CDH18: variants seen among roughly 807,000 people sequenced by gnomAD.
CDH18 encodes cadherin 18, also known as cadherin-18.
CDH18 carries 31 observed loss-of-function variants against 67.9 expected under a neutral mutation model. That is an observed-to-expected ratio of 0.46 (90% CI 0.34 to 0.62). The LOEUF (loss-of-function observed/expected upper bound fraction) is 0.62. Ranked by LOEUF, CDH18 falls within the 20% of genes least tolerant of loss-of-function variation. CDH18 has a pLI of 0.01. For missense variants in CDH18, 890 were observed against 975.5 expected (o/e 0.91, Z 1.17); for synonymous variants, 362 against 347.2 (o/e 1.04, Z -0.48).
chr5:19,860,176 T>C (rs1382133892), intron 2 of CDH18, among the ~76,000 whole-genome samples: 1 of 152,178 alleles, frequency 6.6e-6, no homozygotes, highest in Non-Finnish European at 1.5e-5. Flanking sequence ...TTTCCTGGAA[T>C]TGAGAACCCT....
chr5:19,681,416 T>G (rs901471178), intron 5 of CDH18, among the ~76,000 whole-genome samples: 3 of 152,010 alleles, frequency 2.0e-5, no homozygotes, highest in African/African-American at 7.2e-5. Flanking sequence ...AAAGTCCTTT[T>G]AGTTGAATAG....
intron 1 of CDH18, among the ~76,000 whole-genome samples, chr5:20,369,642 G>C (rs1217186899): frequency 6.6e-6 from 1 of 152,158 alleles, no homozygotes; most frequent in African/African-American, 2.4e-5. Flanking sequence ...TTAAGGAAAT[G>C]CTTGTTTCTG....
At chr5:20,407,377 T>C (rs1746365062) in intron 1 of CDH18, among the ~76,000 whole-genome samples, 1 of 151,638 alleles carries the variant, frequency 6.6e-6, no homozygotes, top group Non-Finnish European at 1.5e-5. Flanking sequence ...AGCACAAAGG[T>C]TTTAGAGAAC....
chr5:20,289,930 TTTGTTG>T lies in CDH18; in HGVS notation c.-579-34431_-579-34426del, dbSNP rs578073533. Among the ~76,000 whole-genome samples the T allele has an allele frequency of 1.8e-3, 272 of 152,184 alleles. 1 individual carries two copies. The highest frequency in any genetic ancestry group is 6.1e-3 in the African/African-American group (252 of 41,536). On this transcript the variant is annotated intron_variant, in intron 1 of 14. Coordinates refer to the CDH18 transcript ENST00000507958. ...TGTTTTCATAACCTAATCGCTTAGTTTTGTTGTTAATATCACTACTTTGCCCACAAA... is the reference window on the plus strand; with the variant it reads ...TGTTTTCATAACCTAATCGCTTAGTTTTAATATCACTACTTTGCCCACAAA...
At chr5:19,619,395 A>T (rs963060542) in intron 5 of CDH18, among the ~76,000 whole-genome samples, 1 of 152,210 alleles carries the variant, frequency 6.6e-6, no homozygotes, top group Admixed American at 6.5e-5. Flanking sequence ...GACCATAGTG[A>T]TCACAATGGA....
At chr5:20,529,747 TAA>T (rs1756285618) in intron 1 of CDH18, among the ~76,000 whole-genome samples, 1 of 151,908 alleles carries the variant, frequency 6.6e-6, no homozygotes, top group African/African-American at 2.4e-5. Flanking sequence ...TGCAAAATAA[TAA>T]GAGTCATATA....
intron 3 of CDH18, among the ~76,000 whole-genome samples, chr5:19,830,095 T>C (rs80065007): frequency 0.029 from 4,399 of 152,198 alleles, 97 homozygotes; most frequent in Middle Eastern, 0.048. Flanking sequence ...CCCTGGAAGA[T>C]GACCTAAGAA....
chr5:19,845,047 T>G (rs1277811729), intron 2 of CDH18, among the ~76,000 whole-genome samples: 1 of 152,178 alleles, frequency 6.6e-6, no homozygotes, highest in Non-Finnish European at 1.5e-5. Context: ...ATGCACAGTG[T>G]TAAATATTAC....
At chr5:20,125,387 T>C (rs1431373600) in intron 2 of CDH18, among the ~76,000 whole-genome samples, 1 of 152,070 alleles carries the variant, frequency 6.6e-6, no homozygotes, top group Non-Finnish European at 1.5e-5. Flanking sequence ...TTTGGTATTT[T>C]GTATATTATG....
chr5:20,470,914 C>T (rs566528097), intron 1 of CDH18, among the ~76,000 whole-genome samples: 1 of 152,322 alleles, frequency 6.6e-6, no homozygotes, highest in Admixed American at 6.5e-5. Flanking sequence ...ACAAATTTCT[C>T]CTCTCTACGA....
rs544368629 is a variant in CDH18 at position 20,080,687 on chromosome 5, C to T, written c.-517-88673G>A. Among the ~76,000 whole-genome samples the T allele has an allele frequency of 8.0e-5, 12 of 150,330 alleles. No individual in the cohort carries two copies. The South Asian group carries it at 8.5e-4, about 11-fold the overall frequency. ...AGTAGTAAAACAAACTATAATTGTC[C>T]ATTTTATAGAAAGAAAAAAGAAAAA... On this transcript the variant is annotated intron_variant, in intron 2 of 14. Transcript: ENST00000507958.
intron 2 of CDH18, among the ~76,000 whole-genome samples, chr5:20,024,391 T>C (rs1436628352): frequency 6.6e-6 from 1 of 152,170 alleles, no homozygotes; most frequent in Non-Finnish European, 1.5e-5. Context: ...TAAAATGTTG[T>C]ATAAAATCTC....
intron 5 of CDH18, among the ~76,000 whole-genome samples, chr5:19,703,563 T>C: frequency 6.6e-6 from 1 of 152,066 alleles, no homozygotes; most frequent in Non-Finnish European, 1.5e-5. Context: ...GATCTTTCTT[T>C]TGTGGAGGAC....
At chr5:20,188,132 C>T (rs1488927361) in intron 2 of CDH18, among the ~76,000 whole-genome samples, 1 of 151,830 alleles carries the variant, frequency 6.6e-6, no homozygotes, top group African/African-American at 2.4e-5. Flanking sequence ...TATGCCTTAA[C>T]TTTATAATTA....
At chr5:19,714,983 G>A (rs1765170144) in intron 5 of CDH18, among the ~76,000 whole-genome samples, 1 of 151,898 alleles carries the variant, frequency 6.6e-6, no homozygotes, top group Non-Finnish European at 1.5e-5. Flanking sequence ...TGCAGATATT[G>A]TAAACCACAA....
intron 2 of CDH18, among the ~76,000 whole-genome samples, chr5:20,201,181 C>T (rs1876590): frequency 0.51 from 77,365 of 151,364 alleles, 20,123 homozygotes; most frequent in Middle Eastern, 0.65. Flanking sequence ...CATTCTTTGG[C>T]TACTAGATGC....
At chr5:20,198,278 T>C (rs576392232) in intron 2 of CDH18, among the ~76,000 whole-genome samples, 1 of 152,198 alleles carries the variant, frequency 6.6e-6, no homozygotes, top group East Asian at 1.9e-4. Context: ...GTGGGAAAGT[T>C]TGGAACTTCT....
At chr5:20,311,399 A>T (rs1450346187) in intron 1 of CDH18, among the ~76,000 whole-genome samples, 1 of 152,158 alleles carries the variant, frequency 6.6e-6, no homozygotes, top group African/African-American at 2.4e-5. Context: ...ACCAACCCAA[A>T]CGTCCATCAA....
intron 2 of CDH18, among the ~76,000 whole-genome samples, chr5:20,169,914 AAGAT>A (rs1736564708): frequency 6.6e-6 from 1 of 152,150 alleles, no homozygotes; most frequent in Admixed American, 6.6e-5. Context: ...ATAAGCAACA[AAGAT>A]AGACATGTCT....
Sources: allele counts gnomAD v4.1 joint callset (sites outside exome capture counted in the v4.1 genomes callset), GRCh38; gene constraint gnomAD v4.1.1; transcripts MANE v1.5; gene names NCBI Gene and HGNC (gene_info 2026-07-23, HGNC 2026-07-21).